The following SEMA4A variants were observed in gnomAD, a reference collection of about 807,000 sequenced individuals.
SEMA4A encodes the protein semaphorin 4A.
A neutral mutation model predicts 72.5 loss-of-function variants in SEMA4A; 52 were observed. The ratio of observed to expected loss-of-function variants is 0.72; its 90% CI spans 0.57 to 0.90. The LOEUF (loss-of-function observed/expected upper bound fraction) is 0.90, where lower values mean the gene tolerates loss of function less well. SEMA4A is among the 40% of genes least tolerant of loss of function. The pLI is 0.00. For synonymous variants in SEMA4A, 369 were observed against 393.1 expected, an observed-to-expected ratio of 0.94 and a Z score of 0.73; for missense variants, 926 against 959.7, an observed-to-expected ratio of 0.96 and a Z score of 0.46.
intron 10 of SEMA4A, among the ~76,000 whole-genome samples, chr1:156,164,722 T>G (rs1438206032): frequency 6.6e-6 from 1 of 152,178 alleles, no homozygotes; most frequent in African/African-American, 2.4e-5. Context: ...TTTTCCTTTT[T>G]GCATAGTTTT....
chr1:156,158,193 T>A, intron 4 of SEMA4A, 61 bp downstream of exon 4: 2 of 1,574,388 alleles, frequency 1.3e-6, no homozygotes, highest in Non-Finnish European at 1.7e-6. Context: ...CCCTAGACCA[T>A]CCCTGGATGA....
intron 2 of SEMA4A, 107 bp from the exon 3 acceptor site, chr1:156,156,307 T>C: frequency 9.6e-7 from 1 of 1,036,846 alleles, no homozygotes; most frequent in South Asian, 1.3e-5. Context: ...TGCCAAGGCC[T>C]GGGGAGCACA....
At chr1:156,154,955 A>G (rs1652879256) in intron 2 of SEMA4A, 1 of 572,846 alleles carries the variant, frequency 1.7e-6, no homozygotes, top group South Asian at 2.3e-5. Context: ...CCACGGGGCC[A>G]GGGGCACGCT....
At chr1:156,172,739 G>A (rs1043147325) in intron 10 of SEMA4A, 87 bp from the exon 11 acceptor site, 63 of 1,228,230 alleles carry the variant, frequency 5.1e-5, no homozygotes, top group Non-Finnish European at 7.0e-5. Flanking sequence ...ATGAGGGAGG[G>A]GGTAAAGGGA....
chr1:156,176,576 A>G lies in SEMA4A; in HGVS notation c.1865A>G (p.Tyr622Cys). 6.2e-7 allele frequency: 1 copy of G among 1,613,972 alleles called. No homozygotes were observed. The highest frequency in any genetic ancestry group is 8.5e-7 in the Non-Finnish European group (1 of 1,179,974). ...GTGCAGGATGGAGTTGGGGGTCTCT[A>G]CCAGTGCTGGGCAACTGAGAATGGC... is the stretch of plus-strand genomic sequence containing the variant. ...LIVQDGVGGLYQCWATENGFS... is the reference protein window; with the variant it reads ...LIVQDGVGGLCQCWATENGFS... Residue 622 changes from tyrosine to cysteine, a missense_variant, in exon 15 of 15, where the codon TAC (tyrosine) becomes TGC (cysteine). Transcript: ENST00000368285.
intron 11 of SEMA4A, among the ~76,000 whole-genome samples, chr1:156,173,534 G>A (rs1359618739): frequency 2.0e-5 from 3 of 152,136 alleles, no homozygotes; most frequent in Non-Finnish European, 4.4e-5. Context: ...GAAGGGATAA[G>A]TGGCAGGTAA....
chr1:156,172,045 A>G (rs1654841364), intron 10 of SEMA4A, among the ~76,000 whole-genome samples: 1 of 150,402 alleles, frequency 6.6e-6, no homozygotes. Flanking sequence ...CGGCCTCCCA[A>G]AGTGTTGGGA....
At chr1:156,167,162 G>A (rs1054422700) in intron 10 of SEMA4A, among the ~76,000 whole-genome samples, 2 of 151,684 alleles carry the variant, frequency 1.3e-5, no homozygotes. Flanking sequence ...ACAGGTGTAA[G>A]CCACCATGCC....
In SEMA4A at chr1:156,154,189, G is replaced by A. The variant is rs151051135; in HGVS notation, c.-29-361G>A. On this transcript the variant is annotated intron_variant, in intron 1 of 14. Coordinates refer to ENST00000368285, the MANE Select transcript of SEMA4A (RefSeq NM_022367.4). Reference sequence around the variant, plus strand: ...TGTTCCCTGCCCAGAGCCAGGCAACGGTTTGGGCTTGGGCTATGAGAAGAG... The same window carrying A: ...TGTTCCCTGCCCAGAGCCAGGCAACAGTTTGGGCTTGGGCTATGAGAAGAG... Among the ~76,000 whole-genome samples the A allele has an allele frequency of 4.1e-3, 623 of 152,268 alleles. 3 individuals carry two copies. The highest frequency in any genetic ancestry group is 0.017 in the Middle Eastern group (5 of 294).
chr1:156,175,634 G>T lies in SEMA4A; in HGVS notation c.1671G>T (p.Arg557=), dbSNP rs1275828736. The change falls in exon 14 of 15, where the codon CGG becomes CGT. Residue 557 remains arginine, a synonymous_variant. Coordinates refer to ENST00000368285, the MANE Select transcript of SEMA4A (RefSeq NM_022367.4). ...CASGPMSRSL[R]PQSRPQIIKE... ...GTGGCCCCATGAGCAGGAGCCTTCG[G>T]CCTCAGAGCCGCCCGCAAATCAGTG... The T allele has an allele frequency of 6.2e-7, 1 of 1,610,078 alleles. No homozygotes were observed.
At position 156,162,954 on chromosome 1, in the gene SEMA4A, G is replaced by A. The variant is rs144475266; in HGVS notation, c.994G>A (p.Gly332Arg). 106 of 1,613,758 alleles carry A rather than the reference G, an allele frequency of 6.6e-5. 1 individual carries two copies. The African/African-American group carries it at 1.2e-3, about 18-fold the overall frequency. The change falls in exon 10 of 15, where the codon GGG becomes AGG. Residue 332 changes from glycine to arginine, a missense_variant. Coordinates refer to ENST00000368285, the MANE Select transcript of SEMA4A (RefSeq NM_022367.4). ...AVFTSQWQVG[G>R]TRSSAVCAFS... ...TCTGGCTGTCTCCAGGCAGGTTGGCGGGACCAGGAGCTCTGCGGTTTGTGC... is the reference window on the plus strand; with the variant it reads ...TCTGGCTGTCTCCAGGCAGGTTGGCAGGACCAGGAGCTCTGCGGTTTGTGC...
chr1:156,160,816 C>T lies in SEMA4A; in HGVS notation c.686-89C>T, dbSNP rs920528549. ...ACCCGAGGAAGCCTGTGTGTCCTGG[C>T]CTCCAGGGCCAAACCAACGGTTTTC... On this transcript the variant is annotated intron_variant, in intron 7 of 14. Transcript: ENST00000368285. 3.1e-6 allele frequency: 5 copies of T among 1,593,816 alleles called. No homozygotes were observed. The East Asian group carries it at 1.1e-4, about 36-fold the overall frequency.
intron 10 of SEMA4A, among the ~76,000 whole-genome samples, chr1:156,168,309 C>T (rs995684862): frequency 7.9e-5 from 12 of 152,004 alleles, no homozygotes; most frequent in African/African-American, 2.2e-4. Context: ...GCAACCTCCA[C>T]CTCCCTGGTT....
Position 156,154,532 on chromosome 1 carries a change from G to T in SEMA4A, c.-29-18G>T. 1 of 1,590,978 alleles carries T rather than the reference G, an allele frequency of 6.3e-7. No individual in the cohort carries two copies. ...AGAACTGCTCACCCAGAAAGTGCCCGGGTGCCTGTTTCCCCAGAGCTCCCT... is the reference window on the plus strand; with the variant it reads ...AGAACTGCTCACCCAGAAAGTGCCCTGGTGCCTGTTTCCCCAGAGCTCCCT... On this transcript the variant is annotated intron_variant, in intron 1 of 14. Coordinates refer to ENST00000368285, the MANE Select transcript of SEMA4A (RefSeq NM_022367.4).
chr1:156,158,927 T>A lies in SEMA4A; in HGVS notation c.568+103T>A. The A allele has an allele frequency of 5.1e-6, 5 of 986,740 alleles. No homozygotes were observed. In the East Asian group the frequency reaches 7.3e-5, roughly 14 times the overall value. The allele number at this position is 986,740 out of a possible 1,614,324, so 61.1% of individuals were successfully genotyped here. ...TTTCCAAAAGGCAGGGGAAACTGGG[T>A]GTGGTGATGCGTGCATATGGTCCCA... On this transcript the variant is annotated intron_variant, in intron 6 of 14. Transcript: ENST00000368285.
At chr1:156,173,039 G>A (rs768747398) in intron 11 of SEMA4A, 33 bp downstream of exon 11, 3 of 1,603,048 alleles carry the variant, frequency 1.9e-6, no homozygotes, top group Non-Finnish European at 2.6e-6. Context: ...TCCCCCAGAG[G>A]ACTAGAGCAG....
At chr1:156,156,909 T>C (rs1324019625) in intron 3 of SEMA4A, among the ~76,000 whole-genome samples, 1 of 151,944 alleles carries the variant, frequency 6.6e-6, no homozygotes, top group African/African-American at 2.4e-5. Flanking sequence ...CCAGGCTAAT[T>C]TTAATAGAGA....
At chr1:156,176,301 A>T in intron 14 of SEMA4A, 104 bp from the exon 15 acceptor site, 1 of 956,016 alleles carries the variant, frequency 1.0e-6, no homozygotes. Context: ...GCCTCAAAAA[A>T]AAAAAAAAAA....
At position 156,176,811 on chromosome 1, in the gene SEMA4A, C is replaced by G; in HGVS notation, c.2100C>G (p.Ile700Met). The G allele has an allele frequency of 5.0e-6, 8 of 1,614,076 alleles. 1 individual carries two copies. Among genetic ancestry groups the G allele is most frequent in the Non-Finnish European group, 5.1e-6 (6 of 1,179,888 alleles). The change falls in exon 15 of 15, where the codon ATC (isoleucine) becomes ATG (methionine). Residue 700 changes from isoleucine to methionine, a missense_variant. Coordinates refer to ENST00000368285, the MANE Select transcript of SEMA4A (RefSeq NM_022367.4). ...CCTTAGTGCTTTCAGGAGCCCTCAT[C>G]ATCCTCGTGGCCTCCCCATTGAGAG... ...LFALVLSGALIILVASPLRAL... is the reference protein window; with the variant it reads ...LFALVLSGALMILVASPLRAL...
Sources: allele counts gnomAD v4.1 joint callset (sites outside exome capture counted in the v4.1 genomes callset), GRCh38; gene constraint gnomAD v4.1.1; transcripts MANE v1.5; gene names NCBI Gene and HGNC (gene_info 2026-07-23, HGNC 2026-07-21).